The following NFIX variants were observed in gnomAD, a reference collection of about 807,000 sequenced individuals.
NFIX encodes the protein nuclear factor I X.
In NFIX, 2 loss-of-function variants were observed where a neutral mutation model predicts 53.3. That is an observed-to-expected ratio of 0.04 (90% confidence interval 0.02 to 0.12). The LOEUF (loss-of-function observed/expected upper bound fraction) is 0.12. Among genes scored for constraint, NFIX ranks in the 10% least tolerant of loss-of-function variants. The probability of loss-of-function intolerance (pLI) is 1.00; values close to 1 mark genes in which losing one functional copy is unlikely to be tolerated. For synonymous variants in NFIX, 244 were observed against 289.0 expected (o/e 0.84, Z 1.58); for missense variants, 310 against 674.5 (o/e 0.46, Z 5.99).
chr19:13,025,758 T>C lies in NFIX; in HGVS notation c.559+206T>C, dbSNP rs2013289828. Among the ~76,000 whole-genome samples the C allele has an allele frequency of 6.6e-6, 1 of 152,186 alleles. No individual in the cohort carries two copies. The highest frequency in any genetic ancestry group is 2.1e-4 in the South Asian group (1 of 4,830). On this transcript the variant is annotated intron_variant, in intron 2 of 10. Transcript: ENST00000592199. This position sits in a 1 kb window ranked among gnomAD's most constrained non-coding sequence, Gnocchi z 7.5. The stretch of plus-strand genomic sequence containing the variant: ...CCCCGACCTGTTCTATTCTTCCTCC[T>C]CTGCCCCCTGGCCATGGTATCGACT...
Position 13,081,761 on chromosome 19 carries a change from C to G in NFIX, c.1160C>G (p.Pro387Arg). The change falls in exon 8 of 11, where the codon CCG (proline) becomes CGG (arginine). Residue 387 changes from proline (P) to arginine (R), a missense_variant. Around this residue, in one of 5 missense-constraint regions of NFIX, gnomAD observed 35 missense variants for 114.8 expected, o/e 0.30. Transcript: ENST00000592199. The surrounding 1 kb of genome is among the most constrained non-coding windows in gnomAD (Gnocchi z 4.7). ...CAGTCGAGCCCGTATTTCACGCACCCGACCATCCGCTACCACCACCACCAC... is the reference window on the plus strand; with the variant it reads ...CAGTCGAGCCCGTATTTCACGCACCGGACCATCCGCTACCACCACCACCAC... ...IQQSSPYFTH[P>R]TIRYHHHHGQ... is the part of the protein sequence containing the mutation. The G allele has an allele frequency of 6.2e-7, 1 of 1,613,978 alleles. No individual in the cohort carries two copies. Among genetic ancestry groups the G allele is most frequent in the Non-Finnish European group, 8.5e-7 (1 of 1,179,910 alleles).
At chr19:13,091,391 T>G (rs1226906358) in intron 10 of NFIX, among the ~76,000 whole-genome samples, 1 of 124,004 alleles carries the variant, frequency 8.1e-6, no homozygotes, top group Non-Finnish European at 1.7e-5. Flanking sequence ...TCTTTTCCTT[T>G]CCTTCCCTCA....
chr19:13,051,590 G>T lies in NFIX; in HGVS notation c.560-21457G>T, dbSNP rs1297593662. Among the ~76,000 whole-genome samples the T allele has an allele frequency of 6.6e-6, 1 of 152,174 alleles. No homozygotes were observed. Among genetic ancestry groups the T allele is most frequent in the Non-Finnish European group, 1.5e-5 (1 of 68,026 alleles). Reference sequence around the variant, plus strand: ...TTTTTCCAAGCCTCAAGTCAGGCAGGTTCGGGGAGGAGACAGCCTCTCAGG... The same window carrying T: ...TTTTTCCAAGCCTCAAGTCAGGCAGTTTCGGGGAGGAGACAGCCTCTCAGG... On this transcript the variant is annotated intron_variant, in intron 2 of 10. Coordinates refer to ENST00000592199, the MANE Select transcript of NFIX (RefSeq NM_001365902.3). This position sits in a 1 kb window ranked among gnomAD's most constrained non-coding sequence, Gnocchi z 5.1.
At position 13,012,744 on chromosome 19, in the gene NFIX, T is replaced by C. The variant is rs1402690275; in HGVS notation, c.28-12277T>C. ...GATTCTTTGGGTGCTTGGGAGAGTTTGGGGTTTAACTGCCCCCAAATCCGA... is the reference window on the plus strand; with the variant it reads ...GATTCTTTGGGTGCTTGGGAGAGTTCGGGGTTTAACTGCCCCCAAATCCGA... On this transcript the variant is annotated intron_variant, in intron 1 of 10. Coordinates refer to ENST00000592199, the MANE Select transcript of NFIX (RefSeq NM_001365902.3). The surrounding 1 kb of genome is among the most constrained non-coding windows in gnomAD (Gnocchi z 5.0). Among the ~76,000 whole-genome samples the C allele has an allele frequency of 6.6e-6, 1 of 152,178 alleles. No homozygotes were observed. Among genetic ancestry groups the C allele is most frequent in the Non-Finnish European group, 1.5e-5 (1 of 68,018 alleles).
At chr19:13,091,267 A>G (rs1369838097) in intron 10 of NFIX, among the ~76,000 whole-genome samples, 5 of 152,044 alleles carry the variant, frequency 3.3e-5, no homozygotes, top group African/African-American at 9.6e-5. Flanking sequence ...ACCTCTCTCA[A>G]GAGCCCCTGG....
At chr19:13,003,555 G>A (rs1217090002) in intron 1 of NFIX, among the ~76,000 whole-genome samples, 4 of 152,042 alleles carry the variant, frequency 2.6e-5, no homozygotes, top group African/African-American at 2.4e-5. Context: ...GCAATAACAC[G>A]CTCTCAGACA....
intron 2 of NFIX, among the ~76,000 whole-genome samples, chr19:13,026,705 T>A (rs1312006277): frequency 6.6e-6 from 1 of 151,290 alleles, no homozygotes. Flanking sequence ...CAACTTGTAA[T>A]GAGAGGGCTA....
intron 2 of NFIX, among the ~76,000 whole-genome samples, chr19:13,029,961 C>T (rs1033649876): frequency 2.0e-5 from 3 of 152,184 alleles, no homozygotes; most frequent in African/African-American, 7.2e-5. Context: ...GTTCCCCAAG[C>T]CTTTGCTGGA....
intron 1 of NFIX, among the ~76,000 whole-genome samples, chr19:13,023,630 CTTTTTTTTTTT>C (rs201731717): frequency 7.8e-6 from 1 of 128,670 alleles, no homozygotes; most frequent in Non-Finnish European, 1.7e-5. Context: ...GCATTTTTTT[CTTTTTTTTTTT>C]TTTTAAACTG....
rs886928412 is a variant in NFIX, at chr19:13,060,072, G to C, written c.560-12975G>C. On this transcript the variant is annotated intron_variant, in intron 2 of 10. Coordinates refer to ENST00000592199, the MANE Select transcript of NFIX (RefSeq NM_001365902.3). The surrounding 1 kb of genome is among the most constrained non-coding windows in gnomAD (Gnocchi z 4.3). The stretch of plus-strand genomic sequence containing the variant: ...CAAAGTGCTGAGATTACAGGCATGA[G>C]CCACCGCACCCGGCCAAGAGGAACG... Among the ~76,000 whole-genome samples the C allele has an allele frequency of 4.6e-5, 7 of 152,316 alleles. No individual in the cohort carries two copies. The highest frequency in any genetic ancestry group is 2.6e-4 in the Admixed American group (4 of 15,306).
At chr19:13,087,045 C>A (rs912956995) in intron 8 of NFIX, among the ~76,000 whole-genome samples, 1 of 152,352 alleles carries the variant, frequency 6.6e-6, no homozygotes, top group South Asian at 2.1e-4. Context: ...CCTGAGCCCA[C>A]GCTGCAGTGG....
chr19:13,064,082 CCT>C (rs904763410), intron 2 of NFIX, among the ~76,000 whole-genome samples: 3 of 152,128 alleles, frequency 2.0e-5, no homozygotes, highest in African/African-American at 4.8e-5. Flanking sequence ...GGACCCCCCC[CCT>C]CCCCAGGGCC....
rs568770363 is a variant in NFIX, at chr19:13,004,599, C to T, written c.27+8735C>T. Among the ~76,000 whole-genome samples the T allele has an allele frequency of 6.9e-4, 105 of 152,094 alleles. 1 individual carries two copies. The highest frequency in any genetic ancestry group is 4.7e-4 in the Non-Finnish European group (32 of 68,020). On this transcript the variant is annotated intron_variant, in intron 1 of 10. Transcript: ENST00000592199. ...TGTCAGCCACAACCAGCTGTCTTTG[C>T]GCAGCAGCTACAGCCACCCCAGCTT...
chr19:13,059,247 C>T (rs914343153), intron 2 of NFIX, among the ~76,000 whole-genome samples: 1 of 152,212 alleles, frequency 6.6e-6, no homozygotes, highest in Non-Finnish European at 1.5e-5. Flanking sequence ...GGTTCAGTCT[C>T]CCTGTAATTC....
At chr19:13,024,389 T>G (rs2013151917) in intron 1 of NFIX, 1 of 749,956 alleles carries the variant, frequency 1.3e-6, no homozygotes. Context: ...AATGTTGGGG[T>G]GGATGTTCCA....
intron 2 of NFIX, chr19:13,070,131 G>T (rs532827514): frequency 1.3e-5 from 2 of 151,974 alleles, no homozygotes; most frequent in Non-Finnish European, 2.9e-5. Flanking sequence ...CTCCCCAGGA[G>T]CTGCCTCCCC....
At position 13,073,416 on chromosome 19, in the gene NFIX, C is replaced by T. The variant is rs766664218; in HGVS notation, c.623-6C>T. The T allele has an allele frequency of 1.9e-6, 3 of 1,613,668 alleles. No homozygotes were observed. The highest frequency in any genetic ancestry group is 2.5e-6 in the Non-Finnish European group (3 of 1,179,526). ...TCTTGACTCACTCATCCTTTCCCCT[C>T]TTCAGGGCACTTAAGTTTCCAGGAC... On this transcript the variant is annotated splice_polypyrimidine_tract_variant and splice_region_variant and intron_variant, in intron 3 of 10. Transcript: ENST00000592199. This position sits in a 1 kb window ranked among gnomAD's most constrained non-coding sequence, Gnocchi z 4.5.
rs559814963 is a variant in NFIX at position 13,066,796 on chromosome 19, T to C, written c.560-6251T>C. ...ATGCATGGTGGCTGGTGGAGCAGGG[T>C]GAGGAATGGAGAGAAGGAGAGGAAG... is the stretch of plus-strand genomic sequence containing the variant. On this transcript the variant is annotated intron_variant, in intron 2 of 10. Coordinates refer to ENST00000592199, the MANE Select transcript of NFIX (RefSeq NM_001365902.3). This position sits in a 1 kb window ranked among gnomAD's most constrained non-coding sequence, Gnocchi z 4.2. Among the ~76,000 whole-genome samples, 18 of 151,928 alleles carry C rather than the reference T, an allele frequency of 1.2e-4. No individual in the cohort carries two copies. The East Asian group carries it at 3.5e-3, about 29-fold the overall frequency.
At position 13,066,352 on chromosome 19, in the gene NFIX, ACC is replaced by A. The variant is rs569328176; in HGVS notation, c.560-6689_560-6688del. The stretch of plus-strand genomic sequence containing the variant: ...TCTGCCAGGTTCCTGTGCCTTCCCT[ACC>A]CCCCCGCCCCCAACAATGGCTTTTC... On this transcript the variant is annotated intron_variant, in intron 2 of 10. Transcript: ENST00000592199. This position sits in a 1 kb window ranked among gnomAD's most constrained non-coding sequence, Gnocchi z 4.2. 2.9e-3 allele frequency among the ~76,000 whole-genome samples: 423 copies of A among 144,218 alleles called. 3 individuals carry two copies. Among genetic ancestry groups the A allele is most frequent in the African/African-American group, 9.7e-3 (380 of 39,034 alleles). The allele number at this position is 144,218 out of a possible 152,430, so 94.6% of individuals were successfully genotyped here. A position where few individuals can be genotyped will look rare whatever the true frequency, so the allele number is the denominator to read the frequency against.
Sources: gnomAD v4.1 joint callset for allele counts (sites outside exome capture counted in the v4.1 genomes callset) on GRCh38, gnomAD v4.1.1 for gene constraint, gnomAD v4.1.1 regional missense constraint, Gnocchi (gnomAD v3.1) non-coding constraint, MANE v1.5 for transcripts, NCBI Gene and HGNC (gene_info 2026-07-23, HGNC 2026-07-21) for gene names.